CPAP: variants seen among roughly 807,000 people sequenced by gnomAD.
The protein encoded by CPAP is centrosomal P4.1-associated protein.
At chr13:24,932,351 C>T in the CPAP span, among the ~76,000 whole-genome samples, 5 of 152,344 alleles carry the variant, frequency 3.3e-5, no homozygotes, top group South Asian at 2.1e-4. Context: ...GTGGTGGGCG[C>T]CTGTAATCCC....
At chr13:24,885,297 T>C in the CPAP span, 3 of 1,609,770 alleles carry the variant, frequency 1.9e-6, no homozygotes, top group Non-Finnish European at 2.6e-6. Context: ...GATGACTGAT[T>C]TCTCCCTGTA....
the CPAP span, among the ~76,000 whole-genome samples, chr13:24,923,150 G>T: frequency 6.6e-6 from 1 of 152,256 alleles, no homozygotes; most frequent in South Asian, 2.1e-4. Context: ...CTAACGGAGC[G>T]ATGGATCTCC....
chr13:24,913,218 G>A, the CPAP span: 1 of 570,172 alleles, frequency 1.8e-6, no homozygotes. Flanking sequence ...ACCTTAACTA[G>A]CAAAGCAATT....
chr13:24,883,649 A>C, the CPAP span, among the ~76,000 whole-genome samples: 1 of 152,076 alleles, frequency 6.6e-6, no homozygotes, highest in African/African-American at 2.4e-5. Flanking sequence ...ATTAAAAGGG[A>C]CCCTTCTTTC....
chr13:24,916,585 TTG>T, the CPAP span, among the ~76,000 whole-genome samples: 2 of 152,240 alleles, frequency 1.3e-5, no homozygotes, highest in Non-Finnish European at 2.9e-5. Context: ...TTGCTTTTGT[TTG>T]TTTTTCACCA....
the CPAP span, among the ~76,000 whole-genome samples, chr13:24,910,660 C>G: frequency 4.6e-5 from 7 of 152,364 alleles, no homozygotes; most frequent in East Asian, 1.3e-3. Context: ...CCAAAGCAAA[C>G]TGCTCCATGA....
chr13:24,905,318 A>T, the CPAP span: 1 of 1,597,990 alleles, frequency 6.3e-7, no homozygotes, highest in Non-Finnish European at 8.6e-7. Context: ...TAACATTCTG[A>T]TACATATTTT....
the CPAP span, among the ~76,000 whole-genome samples, chr13:24,888,713 T>C: frequency 6.6e-6 from 1 of 152,208 alleles, no homozygotes; most frequent in African/African-American, 2.4e-5. Flanking sequence ...TTCATTATCA[T>C]GCAAACCTAA....
chr13:24,885,401 C>T, the CPAP span: 1 of 1,558,516 alleles, frequency 6.4e-7, no homozygotes, highest in Non-Finnish European at 8.9e-7. Flanking sequence ...AAGCACAACA[C>T]ATTTCAAGCA....
At chr13:24,897,881 G>A in the CPAP span, among the ~76,000 whole-genome samples, 15,149 of 152,200 alleles carry the variant, frequency 0.1, 906 homozygotes, top group Non-Finnish European at 0.14. Flanking sequence ...TTTGTTAGGT[G>A]TGACAAAGGT....
the CPAP span, chr13:24,906,791 T>C: frequency 6.2e-7 from 1 of 1,614,242 alleles, no homozygotes; most frequent in Non-Finnish European, 8.5e-7. Context: ...TTGCTGTCTA[T>C]CCATTTTAAA....
chr13:24,922,879 C>G, the CPAP span: 1 of 152,602 alleles, frequency 6.6e-6, no homozygotes, highest in Non-Finnish European at 1.5e-5. Context: ...TCCCGAGGTC[C>G]TGTGGGAAGT....
the CPAP span, among the ~76,000 whole-genome samples, chr13:24,929,612 A>C: frequency 2.2e-4 from 34 of 152,196 alleles, no homozygotes; most frequent in African/African-American, 6.8e-4. Flanking sequence ...TGAGTTTATC[A>C]TACTTGAAGT....
At chr13:24,900,796 T>C in the CPAP span, among the ~76,000 whole-genome samples, 1 of 151,510 alleles carries the variant, frequency 6.6e-6, no homozygotes, top group Non-Finnish European at 1.5e-5. Flanking sequence ...TGGTGGAGAG[T>C]GGCAGCTCTG....
the CPAP span, among the ~76,000 whole-genome samples, chr13:24,902,479 A>G: frequency 1.3e-5 from 2 of 152,170 alleles, no homozygotes; most frequent in Admixed American, 6.5e-5. Context: ...AAAGTAACAA[A>G]TTTTCAGAAT....
chr13:24,920,379 A>G, the CPAP span, among the ~76,000 whole-genome samples: 3 of 152,206 alleles, frequency 2.0e-5, no homozygotes, highest in Non-Finnish European at 2.9e-5. Flanking sequence ...GTTGAGTTGT[A>G]GAAGAGTTGT....
chr13:24,917,693 T>C, the CPAP span, among the ~76,000 whole-genome samples: 1 of 152,232 alleles, frequency 6.6e-6, no homozygotes, highest in African/African-American at 2.4e-5. Context: ...TTGGTAATTA[T>C]CTTGGTCCAT....
chr13:24,926,332 C>T, the CPAP span, among the ~76,000 whole-genome samples: 881 of 152,172 alleles, frequency 5.8e-3, 1 homozygote, highest in Non-Finnish European at 9.5e-3. Context: ...GCTAGCAGAG[C>T]CTGGGTCTCG....
At chr13:24,884,258 ACAGT>A in the CPAP span, 1 of 1,614,126 alleles carries the variant, frequency 6.2e-7, no homozygotes, top group South Asian at 1.1e-5. Flanking sequence ...GTAAAGACAC[ACAGT>A]CAGTCTGCCT....
Sources: gnomAD v4.1 joint callset for allele counts (sites outside exome capture counted in the v4.1 genomes callset) on GRCh38, gnomAD v4.1.1 for gene constraint, MANE v1.5 for transcripts, NCBI Gene and HGNC (gene_info 2026-07-23, HGNC 2026-07-21) for gene names.